Variants in STARD3 observed in about 807,000 individuals in gnomAD.
STARD3 encodes the protein StAR related lipid transfer domain containing 3.
STARD3 carries 39 observed loss-of-function variants against 62.0 expected under a neutral mutation model. The ratio of observed to expected loss-of-function variants is 0.63; its 90% CI spans 0.49 to 0.82. The LOEUF is 0.82. Among genes scored for constraint, STARD3 ranks in the 40% least tolerant of loss-of-function variants. The probability of loss-of-function intolerance (pLI) is 0.00; values close to 1 mark genes in which losing one functional copy is unlikely to be tolerated. For missense variants in STARD3, 543 were observed against 584.5 expected, an observed-to-expected ratio of 0.93 and a Z score of 0.73; for synonymous variants, 229 against 242.4, an observed-to-expected ratio of 0.94 and a Z score of 0.51.
intron 2 of STARD3, among the ~76,000 whole-genome samples, chr17:39,654,340 T>C (rs2057106866): frequency 6.6e-6 from 1 of 152,168 alleles, no homozygotes; most frequent in South Asian, 2.1e-4. Flanking sequence ...AGTCTGAGGC[T>C]GCAGTGACCC....
Position 39,663,238 on chromosome 17 carries a change from T to C in STARD3, c.*330T>C. On this transcript the variant is annotated 3_prime_UTR_variant, in exon 15 of 15. Transcript: ENST00000336308. Reference sequence around the variant, plus strand: ...ACTTGGCTGGGGAGGACCAGGGCCCTGGGCAGGGCAGGGCAGCCTGTCACC... The same window carrying C: ...ACTTGGCTGGGGAGGACCAGGGCCCCGGGCAGGGCAGGGCAGCCTGTCACC... The C allele has an allele frequency of 1.2e-5, 5 of 405,898 alleles. No individual in the cohort carries two copies. Among genetic ancestry groups the C allele is most frequent in the Non-Finnish European group, 2.2e-5 (5 of 231,088 alleles). 25.1% of individuals were successfully genotyped at this position (405,898 alleles called of 1,614,324 possible). A position where few individuals can be genotyped will look rare whatever the true frequency, so the allele number is the denominator to read the frequency against.
At chr17:39,646,321 C>T (rs903713863) in intron 1 of STARD3, among the ~76,000 whole-genome samples, 3 of 152,190 alleles carry the variant, frequency 2.0e-5, no homozygotes, top group Non-Finnish European at 4.4e-5. Flanking sequence ...GGCACAGTCT[C>T]AGCCCACTGC....
rs770864914 is a variant in STARD3 at position 39,659,065 on chromosome 17, T to A, written c.661T>A (p.Ser221Thr). The change falls in exon 8 of 15, where the codon TCA becomes ACA. Residue 221 changes from serine (S) to threonine (T), a missense_variant. Ser to Thr is a moderately conservative substitution (Grantham distance 58, BLOSUM62 1). Coordinates refer to ENST00000336308, the MANE Select transcript of STARD3 (RefSeq NM_006804.4). Reference protein sequence around the residue: ...PESFAGSDNESDEEVAGKKSF... With the variant: ...PESFAGSDNETDEEVAGKKSF... ...GTTTTCTGCAGGGTCTGACAATGAA[T>A]CAGATGAAGAAGTTGCTGGGAAGAA... 1 of 1,614,148 alleles carries A rather than the reference T, an allele frequency of 6.2e-7. No individual in the cohort carries two copies. Among genetic ancestry groups the A allele is most frequent in the South Asian group, 1.1e-5 (1 of 91,088 alleles).
In STARD3 at chr17:39,657,849, T is replaced by G. The variant is rs775123131; in HGVS notation, c.372T>G (p.Ile124Met). Reference sequence around the variant, plus strand: ...TGCGGCTCCGGCACTGGTGGGTGATTGCGGTAAGATGCCACTTTCCTGGCA... The same window carrying G: ...TGCGGCTCCGGCACTGGTGGGTGATGGCGGTAAGATGCCACTTTCCTGGCA... The part of the protein sequence containing the change: ...AVLRLRHWWV[I>M]AVTTLVSSAF... Residue 124 changes from isoleucine (I) to methionine (M), a missense_variant, in exon 4 of 15, where the codon ATT becomes ATG. Transcript: ENST00000336308. The G allele has an allele frequency of 5.0e-6, 8 of 1,614,182 alleles. No homozygotes were observed. Among genetic ancestry groups the G allele is most frequent in the Non-Finnish European group, 5.9e-6 (7 of 1,180,026 alleles).
At chr17:39,654,088 C>T (rs2057104109) in intron 2 of STARD3, among the ~76,000 whole-genome samples, 1 of 152,224 alleles carries the variant, frequency 6.6e-6, no homozygotes, top group Admixed American at 6.5e-5. Context: ...CCAGCTCTGG[C>T]AGAGCTGTTG....
intron 1 of STARD3, among the ~76,000 whole-genome samples, chr17:39,650,283 G>A (rs1404458163): frequency 6.6e-6 from 1 of 152,154 alleles, no homozygotes; most frequent in Admixed American, 6.5e-5. Flanking sequence ...ATGTGACAGC[G>A]AAGACCGGTC....
At chr17:39,640,979 G>A (rs1255962204) in intron 1 of STARD3, among the ~76,000 whole-genome samples, 1 of 152,210 alleles carries the variant, frequency 6.6e-6, no homozygotes, top group African/African-American at 2.4e-5. Flanking sequence ...ACTTCTCCAG[G>A]GGATTTCCCA....
rs567468052 is a variant in STARD3 at position 39,639,812 on chromosome 17, C to T, written c.-52+2581C>T. On this transcript the variant is annotated intron_variant, in intron 1 of 14. Transcript: ENST00000336308. Reference sequence around the variant, plus strand: ...TGGGCCTTCTTTGGAGCTCTTTTGCCTCCCTGTAATGCCCACCCTCCTTGC... The same window carrying T: ...TGGGCCTTCTTTGGAGCTCTTTTGCTTCCCTGTAATGCCCACCCTCCTTGC... Among the ~76,000 whole-genome samples, 4 of 152,310 alleles carry T rather than the reference C, an allele frequency of 2.6e-5. No homozygotes were observed. The South Asian group carries it at 6.2e-4, about 24-fold the overall frequency.
At chr17:39,649,124 C>A (rs746429029) in intron 1 of STARD3, among the ~76,000 whole-genome samples, 6 of 152,024 alleles carry the variant, frequency 3.9e-5, no homozygotes. Context: ...GAGAGGAAGA[C>A]CCAGATGGGG....
In STARD3 at chr17:39,657,010, C is replaced by T. The variant is rs1017266227; in HGVS notation, c.222C>T (p.Thr74=). Residue 74 remains threonine (T), a splice_region_variant and synonymous_variant, in exon 3 of 15, where the codon ACC becomes ACT. Transcript: ENST00000336308. ...ISLLWIIELN[T]NTGIRKNLEQ... is the part of the protein sequence containing the mutation. ...CTCTTCCTGTCTCCCTCTCACAGAC[C>T]AACACAGGCATCCGTAAGAACTTGG... 2.5e-6 allele frequency: 4 copies of T among 1,614,012 alleles called. No individual in the cohort carries two copies. In the African/African-American group the frequency reaches 4.0e-5, roughly 16 times the overall value.
chr17:39,641,552 G>A (rs571958581), intron 1 of STARD3, among the ~76,000 whole-genome samples: 108 of 152,272 alleles, frequency 7.1e-4, no homozygotes, highest in African/African-American at 2.3e-3. Flanking sequence ...TGGGCAAAGT[G>A]CTATGCTGGA....
intron 1 of STARD3, among the ~76,000 whole-genome samples, chr17:39,643,462 T>C (rs537008624): frequency 1.6e-4 from 24 of 152,182 alleles, no homozygotes; most frequent in African/African-American, 5.8e-4. Context: ...TGTGATGCAT[T>C]AAGGAGATGG....
chr17:39,651,561 C>A (rs1050146264), intron 1 of STARD3, among the ~76,000 whole-genome samples: 1 of 152,048 alleles, frequency 6.6e-6, no homozygotes, highest in South Asian at 2.1e-4. Context: ...GCTTCAGCTC[C>A]TCTGACTTTC....
intron 1 of STARD3, among the ~76,000 whole-genome samples, chr17:39,652,177 A>T (rs1187367851): frequency 1.3e-5 from 2 of 152,110 alleles, no homozygotes; most frequent in African/African-American, 4.8e-5. Flanking sequence ...GCGGTAGAGC[A>T]CTGGGCTGGC....
Position 39,648,481 on chromosome 17 carries a change from G to A in STARD3, c.-51-5000G>A, listed in dbSNP as rs565063619. ...GATCCTCTCTTTAAAAAAAGGCAGA[G>A]GGAGATGATTGAAAAAAACCACTGA... On this transcript the variant is annotated intron_variant, in intron 1 of 14. Coordinates refer to ENST00000336308, the MANE Select transcript of STARD3 (RefSeq NM_006804.4). Among the ~76,000 whole-genome samples the A allele has an allele frequency of 3.3e-4, 50 of 152,196 alleles. No individual in the cohort carries two copies. In the South Asian group the frequency reaches 0.01, roughly 32 times the overall value.
Position 39,653,632 on chromosome 17 carries a change from C to T in STARD3, c.101C>T (p.Ser34Leu), listed in dbSNP as rs775654792. ...CTGTCCCACAGCCAGAGCCTCTCCT[C>T]GCACCTCCTTCCGCCGCCTGAGAAG... ...SSLSHSQSLS[S>L]HLLPPPEKRR... The change falls in exon 2 of 15, where the codon TCG becomes TTG. Residue 34 changes from serine (S) to leucine (L), a missense_variant. Transcript: ENST00000336308. 1.1e-5 allele frequency: 18 copies of T among 1,613,690 alleles called. No homozygotes were observed. Among genetic ancestry groups the T allele is most frequent in the East Asian group, 6.7e-5 (3 of 44,894 alleles).
chr17:39,642,627 A>G (rs2056991547), intron 1 of STARD3, among the ~76,000 whole-genome samples: 1 of 152,186 alleles, frequency 6.6e-6, no homozygotes, highest in African/African-American at 2.4e-5. Context: ...TGGAGTTCGC[A>G]TGCCAGTGGG....
chr17:39,644,129 G>A (rs569540791), intron 1 of STARD3, among the ~76,000 whole-genome samples: 16 of 152,304 alleles, frequency 1.1e-4, no homozygotes, highest in Admixed American at 4.6e-4. Context: ...GGGATGTGTG[G>A]AGGACCTGTG....
intron 2 of STARD3, among the ~76,000 whole-genome samples, chr17:39,656,127 G>A (rs1442079745): frequency 6.6e-6 from 1 of 152,162 alleles, no homozygotes; most frequent in African/African-American, 2.4e-5. Context: ...GGGGCTGTGT[G>A]CTCAGTGGGG....
Sources: allele counts gnomAD v4.1 joint callset (sites outside exome capture counted in the v4.1 genomes callset), GRCh38; gene constraint gnomAD v4.1.1; transcripts MANE v1.5; gene names NCBI Gene and HGNC (gene_info 2026-07-23, HGNC 2026-07-21).